LDAF1: variants seen among roughly 807,000 people sequenced by gnomAD.
LDAF1 encodes the protein lipid droplet assembly factor 1, also known as PROMETHIN.
LDAF1 carries 7 observed loss-of-function variants against 13.5 expected under a neutral mutation model. That is an observed-to-expected ratio of 0.52 (90% CI 0.29 to 0.97). The LOEUF is 0.97. Ranked by LOEUF, LDAF1 falls within the 50% of genes least tolerant of loss-of-function variation. The pLI is 0.07. For missense variants in LDAF1, 148 were observed against 193.2 expected, an observed-to-expected ratio of 0.77 and a Z score of 1.39; for synonymous variants, 69 against 77.1, an observed-to-expected ratio of 0.89 and a Z score of 0.55.
chr16:21,160,422 G>A (rs903314517), intron 1 of LDAF1, among the ~76,000 whole-genome samples: 1 of 152,148 alleles, frequency 6.6e-6, no homozygotes, highest in Non-Finnish European at 1.5e-5. Context: ...GTCTGCCCCC[G>A]AGGTGCAGTT....
intron 4 of LDAF1, among the ~76,000 whole-genome samples, chr16:21,176,600 A>C (rs554396943): frequency 6.6e-6 from 1 of 152,280 alleles, no homozygotes; most frequent in South Asian, 2.1e-4. Context: ...CTGTGATCAC[A>C]CCATTGCACT....
intron 2 of LDAF1, among the ~76,000 whole-genome samples, chr16:21,162,791 G>A (rs2092989231): frequency 6.6e-6 from 1 of 152,140 alleles, no homozygotes; most frequent in Admixed American, 6.5e-5. Flanking sequence ...CAGTAAGAAG[G>A]GTCCTCCTGC....
At chr16:21,159,548 G>T in intron 1 of LDAF1, 1 of 1,096,144 alleles carries the variant, frequency 9.1e-7, no homozygotes, top group South Asian at 1.4e-5. Flanking sequence ...TTGGAGCCTT[G>T]GAAGGGGAAA....
intron 1 of LDAF1, 124 bp from the exon 2 acceptor site, chr16:21,160,958 ATTG>A: frequency 8.5e-7 from 1 of 1,179,408 alleles, no homozygotes; most frequent in Admixed American, 3.6e-5. Context: ...GCAATCTGAA[ATTG>A]TTGTGAATAT....
At chr16:21,163,050 C>T (rs1451889216) in intron 2 of LDAF1, among the ~76,000 whole-genome samples, 1 of 152,178 alleles carries the variant, frequency 6.6e-6, no homozygotes, top group African/African-American at 2.4e-5. Flanking sequence ...GGGCCAACAA[C>T]AGTACTATGA....
intron 3 of LDAF1, among the ~76,000 whole-genome samples, chr16:21,171,376 A>G (rs185370509): frequency 6.6e-6 from 1 of 152,336 alleles, no homozygotes; most frequent in East Asian, 1.9e-4. Flanking sequence ...AGCTAAGAGC[A>G]CCCAGGGCTG....
In LDAF1 at chr16:21,169,763, A is replaced by G. The variant is rs755728165; in HGVS notation, c.97-674A>G. 8.1e-4 allele frequency among the ~76,000 whole-genome samples: 123 copies of G among 152,162 alleles called. 1 individual carries two copies. The highest frequency in any genetic ancestry group is 2.4e-4 in the Non-Finnish European group (16 of 68,034). On this transcript the variant is annotated intron_variant, in intron 2 of 4. Coordinates refer to ENST00000233047, the MANE Select transcript of LDAF1 (RefSeq NM_001301771.2). ...CCTTTATGCCGAAGAGGTCTTCTCA[A>G]GAGTGTGTTTGGCAGGAGAGCCATG...
intron 3 of LDAF1, among the ~76,000 whole-genome samples, chr16:21,172,207 A>C (rs1241361877): frequency 6.6e-6 from 1 of 150,502 alleles, no homozygotes; most frequent in Non-Finnish European, 1.5e-5. Context: ...CAACACTGGG[A>C]GGCTGAGGAG....
intron 3 of LDAF1, among the ~76,000 whole-genome samples, chr16:21,173,637 T>C (rs1378489189): frequency 6.6e-6 from 1 of 151,610 alleles, no homozygotes. Flanking sequence ...CACTTGAACC[T>C]GGGAGGCGGA....
chr16:21,174,431 A>G (rs2093121352), intron 4 of LDAF1, among the ~76,000 whole-genome samples: 1 of 152,114 alleles, frequency 6.6e-6, no homozygotes, highest in South Asian at 2.1e-4. Flanking sequence ...TCCTGGGCTC[A>G]AGCAATCCTC....
At chr16:21,163,646 GACAAA>G (rs745502264) in intron 2 of LDAF1, among the ~76,000 whole-genome samples, 105 of 152,016 alleles carry the variant, frequency 6.9e-4, no homozygotes, top group Non-Finnish European at 2.2e-4. Flanking sequence ...CTCTATCTCA[GACAAA>G]ACAAAACAAA....
At chr16:21,174,273 T>C (rs1182591116) in intron 4 of LDAF1, 125 bp downstream of exon 4, 5 of 869,948 alleles carry the variant, frequency 5.7e-6, no homozygotes, top group South Asian at 3.9e-5. Flanking sequence ...CGCTACAGCC[T>C]CAACCTCCAA....
intron 3 of LDAF1, 39 bp from the exon 4 acceptor site, chr16:21,173,971 T>C: frequency 6.3e-7 from 1 of 1,594,560 alleles, no homozygotes. Context: ...TTCAACCTGT[T>C]TGAGATGAAC....
chr16:21,165,219 G>A lies in LDAF1; in HGVS notation c.96+3941G>A, dbSNP rs190894741. ...CTGATGCTTATAATCCTAGCACTTC[G>A]GGAGGCCGAGGCGGGCAGATCACTT... On this transcript the variant is annotated intron_variant, in intron 2 of 4. Coordinates refer to ENST00000233047, the MANE Select transcript of LDAF1 (RefSeq NM_001301771.2). Among the ~76,000 whole-genome samples, 1,007 of 152,282 alleles carry A rather than the reference G, an allele frequency of 6.6e-3. 11 individuals are homozygous for A. Among genetic ancestry groups the A allele is most frequent in the African/African-American group, 0.023 (954 of 41,560 alleles).
intron 2 of LDAF1, among the ~76,000 whole-genome samples, chr16:21,164,910 C>T (rs186390984): frequency 1.9e-4 from 29 of 152,306 alleles, no homozygotes; most frequent in Non-Finnish European, 3.2e-4. Context: ...TTACCTACCT[C>T]GTAGCATTGT....
At chr16:21,166,160 C>G (rs573583824) in intron 2 of LDAF1, among the ~76,000 whole-genome samples, 2 of 152,126 alleles carry the variant, frequency 1.3e-5, no homozygotes, top group South Asian at 2.1e-4. Flanking sequence ...CCGTGCCCAG[C>G]CAGAGATTAA....
chr16:21,168,688 C>T (rs1384513855), intron 2 of LDAF1, among the ~76,000 whole-genome samples: 1 of 131,436 alleles, frequency 7.6e-6, no homozygotes, highest in African/African-American at 3.0e-5. Context: ...TATTACATTA[C>T]AATTATATTT....
chr16:21,164,774 G>C (rs969967691), intron 2 of LDAF1, among the ~76,000 whole-genome samples: 1 of 152,186 alleles, frequency 6.6e-6, no homozygotes, highest in African/African-American at 2.4e-5. Flanking sequence ...CACAGTGCAT[G>C]TTACTGAATA....
intron 2 of LDAF1, among the ~76,000 whole-genome samples, 188 bp downstream of exon 2, chr16:21,161,466 A>G (rs1440061408): frequency 6.6e-6 from 1 of 152,252 alleles, no homozygotes; most frequent in Non-Finnish European, 1.5e-5. Flanking sequence ...CAAGAGCATC[A>G]GCCATTGTAT....
Sources: gnomAD v4.1 joint callset for allele counts (sites outside exome capture counted in the v4.1 genomes callset) on GRCh38, gnomAD v4.1.1 for gene constraint, MANE v1.5 for transcripts, NCBI Gene and HGNC (gene_info 2026-07-23, HGNC 2026-07-21) for gene names.